EPS8L3: variants seen among roughly 807,000 people sequenced by gnomAD.
EPS8L3 encodes epidermal growth factor receptor kinase substrate 8-like protein 3.
A neutral mutation model predicts 88.5 loss-of-function variants in EPS8L3; 80 were observed. That is an observed-to-expected ratio of 0.90 (90% CI 0.75 to 1.09). The LOEUF (loss-of-function observed/expected upper bound fraction) is 1.09. EPS8L3 is among the 50% of genes least tolerant of loss of function. The pLI, the probability that EPS8L3 is intolerant of heterozygous loss-of-function variation, is 0.00. For missense variants in EPS8L3, 721 were observed against 735.2 expected (o/e 0.98, Z 0.22); for synonymous variants, 286 against 291.0 (o/e 0.98, Z 0.18).
In EPS8L3 at chr1:109,761,700, G is replaced by A. The variant is rs753727661; in HGVS notation, c.31+19C>T. ...GGCTCAGTGGGAGGGCACGGGAGAGGGGCCTGCCAGGAGCTTACAGTAAAT... is the reference window on the plus strand; with the variant it reads ...GGCTCAGTGGGAGGGCACGGGAGAGAGGCCTGCCAGGAGCTTACAGTAAAT... On this transcript the variant is annotated intron_variant, in intron 2 of 18. Coordinates refer to ENST00000361965, the MANE Select transcript of EPS8L3 (RefSeq NM_133181.4). 4 of 1,613,872 alleles carry A rather than the reference G, an allele frequency of 2.5e-6. No homozygotes were observed. Among genetic ancestry groups the A allele is most frequent in the Non-Finnish European group, 3.4e-6 (4 of 1,179,918 alleles).
rs778714173 is a variant in EPS8L3, at chr1:109,759,706, C to T, written c.227G>A (p.Trp76Ter). The change falls in exon 4 of 19, where the codon TGG (tryptophan) becomes TAG (stop). Residue 76 changes from tryptophan (W) to a stop codon, truncating the protein, a stop_gained. Transcript: ENST00000361965. LOFTEE classifies it high-confidence loss of function. The surrounding 1 kb of genome is among the most constrained non-coding windows in gnomAD (Gnocchi z 4.2). The stretch of plus-strand genomic sequence containing the variant: ...GGTCTCAATGTCCAGCAGCTGCAGC[C>T]AGCCGTCCCTGACCTGCAGGATCAA... The part of the protein sequence containing the change: ...QDLILQVRDG[W>*]LQLLDIETKE... 1.2e-6 allele frequency: 2 copies of T among 1,613,990 alleles called. No individual in the cohort carries two copies. Among genetic ancestry groups the T allele is most frequent in the Admixed American group, 3.3e-5 (2 of 60,022 alleles).
Position 109,757,737 on chromosome 1 carries a change from G to A in EPS8L3, c.894+65C>T, listed in dbSNP as rs1292375243. The A allele has an allele frequency of 2.6e-6, 4 of 1,537,586 alleles. No individual in the cohort carries two copies. The African/African-American group carries it at 4.1e-5, about 16-fold the overall frequency. On this transcript the variant is annotated intron_variant, in intron 10 of 18. Coordinates refer to ENST00000361965, the MANE Select transcript of EPS8L3 (RefSeq NM_133181.4). ...GGCTTGGGATGGTTGAGTCCAGACA[G>A]CAGAGGATTACTGGGGAGGAAGGGG...
At chr1:109,757,425 A>C (rs1650393110) in intron 11 of EPS8L3, 56 bp downstream of exon 11, 2 of 1,522,552 alleles carry the variant, frequency 1.3e-6, no homozygotes, top group Admixed American at 1.7e-5. Flanking sequence ...TCCTCTCTCT[A>C]CTCCTTCTTG....
chr1:109,750,658 A>AC lies in EPS8L3; in HGVS notation c.1770+1dup. 1.2e-6 allele frequency: 2 copies of AC among 1,613,738 alleles called. No individual in the cohort carries two copies. The highest frequency in any genetic ancestry group is 2.2e-5 in the South Asian group (2 of 91,054). On this transcript the variant is annotated splice_donor_variant, in intron 18 of 18. Coordinates refer to ENST00000361965, the MANE Select transcript of EPS8L3 (RefSeq NM_133181.4). LOFTEE classifies it high-confidence loss of function. ...GTTGTCAGGACCCCAGGGTGTCCTC[A>AC]CCCCCAGCATCCTTCTGACAGCCTC... is the stretch of plus-strand genomic sequence containing the variant.
At chr1:109,758,490 C>A in intron 7 of EPS8L3, 34 bp downstream of exon 7, 1 of 1,562,446 alleles carries the variant, frequency 6.4e-7, no homozygotes, top group Non-Finnish European at 8.7e-7. Flanking sequence ...CATCGAAACC[C>A]TCTCCTTCAC....
At chr1:109,758,121 C>T (rs1650481855) in intron 8 of EPS8L3, 63 bp from the exon 9 acceptor site, 1 of 1,460,788 alleles carries the variant, frequency 6.8e-7, no homozygotes, top group Non-Finnish European at 9.5e-7. Context: ...ACTCCCCACA[C>T]TGCCCCCCGC....
In EPS8L3 at chr1:109,752,849, C is replaced by A. The variant is rs1649936421; in HGVS notation, c.1201-129G>T. 10 of 877,570 alleles carry A rather than the reference C, an allele frequency of 1.1e-5. No homozygotes were observed. The South Asian group carries it at 1.5e-4, about 13-fold the overall frequency. 54.4% of individuals were successfully genotyped at this position (877,570 alleles called of 1,614,324 possible). A position where few individuals can be genotyped will look rare whatever the true frequency, so the allele number is the denominator to read the frequency against. On this transcript the variant is annotated intron_variant, in intron 13 of 18. Coordinates refer to ENST00000361965, the MANE Select transcript of EPS8L3 (RefSeq NM_133181.4). The stretch of plus-strand genomic sequence containing the variant: ...GCCTCCTATCCCCTTTCCTGCCTCC[C>A]CCAGTTTACAGATACAGGTACCCAC...
intron 3 of EPS8L3, 92 bp downstream of exon 3, chr1:109,761,400 ACTT>A: frequency 9.2e-7 from 1 of 1,088,206 alleles, no homozygotes; most frequent in South Asian, 1.5e-5. Context: ...TGGGGCAGGG[ACTT>A]GTGTGAAGTG....
rs753432237 is a variant in EPS8L3, at chr1:109,761,578, A to G, written c.32-19T>C. The G allele has an allele frequency of 1.2e-6, 2 of 1,613,088 alleles. No individual in the cohort carries two copies. Among genetic ancestry groups the G allele is most frequent in the South Asian group, 1.1e-5 (1 of 91,044 alleles). ...CGGTGCACTACAAGGGCACAGAGCA[A>G]GGGGCGGGAGGTGGGCAGAAGAACG... is the stretch of plus-strand genomic sequence containing the variant. On this transcript the variant is annotated intron_variant, in intron 2 of 18. Transcript: ENST00000361965.
chr1:109,758,745 A>G lies in EPS8L3; in HGVS notation c.462-82T>C. The G allele has an allele frequency of 2.0e-6, 3 of 1,482,822 alleles. No homozygotes were observed. The East Asian group carries it at 6.9e-5, about 34-fold the overall frequency. 91.9% of individuals were successfully genotyped at this position (1,482,822 alleles called of 1,614,324 possible). On this transcript the variant is annotated intron_variant, in intron 6 of 18. Transcript: ENST00000361965. The stretch of plus-strand genomic sequence containing the variant: ...TCCCCACAATTCTGCTCCAGGACCC[A>G]GGGGCACCACCACCTCTCTCCAGGA...
At chr1:109,761,377 G>A in intron 3 of EPS8L3, 118 bp downstream of exon 3, 1 of 843,176 alleles carries the variant, frequency 1.2e-6, no homozygotes, top group Non-Finnish European at 1.9e-6. Context: ...GGTTGGGACA[G>A]GCTGTTGGCT....
In EPS8L3 at chr1:109,752,194, C is replaced by T. The variant is rs1649864253; in HGVS notation, c.1236-1G>A. ...GCTCCCTAACCTATGACTTCCCCGC[C>T]TAAGAAACAGAGTCAGGATGGCTGG... On this transcript the variant is annotated splice_acceptor_variant, in intron 14 of 18. Coordinates refer to ENST00000361965, the MANE Select transcript of EPS8L3 (RefSeq NM_133181.4). LOFTEE classifies it high-confidence loss of function. The T allele has an allele frequency of 6.2e-7, 1 of 1,609,740 alleles. No homozygotes were observed. The highest frequency in any genetic ancestry group is 8.5e-7 in the Non-Finnish European group (1 of 1,177,226).
rs143763282 is a variant in EPS8L3 at position 109,757,488 on chromosome 1, A to G, written c.962T>C (p.Leu321Pro). 3.1e-5 allele frequency: 50 copies of G among 1,613,852 alleles called. No homozygotes were observed. Among genetic ancestry groups the G allele is most frequent in the Non-Finnish European group, 4.0e-5 (47 of 1,179,922 alleles). The stretch of plus-strand genomic sequence containing the variant: ...TGTCGTCCCTTGACTCACGAAGTTC[A>G]GGGACTTGAAGAGGATGTGTACGAG... ...PELVHILFKS[L>P]NFILARCPEA... The change falls in exon 11 of 19, where the codon CTG becomes CCG. Residue 321 changes from leucine (L) to proline (P), a missense_variant. Coordinates refer to ENST00000361965, the MANE Select transcript of EPS8L3 (RefSeq NM_133181.4).
intron 11 of EPS8L3, 132 bp downstream of exon 11, chr1:109,757,349 C>T (rs1650385731): frequency 1.7e-6 from 2 of 1,158,398 alleles, no homozygotes; most frequent in East Asian, 5.0e-5. Flanking sequence ...GCGTCCTTGG[C>T]TCTGACCCCA....
Position 109,761,481 on chromosome 1 carries a change from G to A in EPS8L3, c.96+14C>T, listed in dbSNP as rs1445507088. On this transcript the variant is annotated intron_variant, in intron 3 of 18. Coordinates refer to ENST00000361965, the MANE Select transcript of EPS8L3 (RefSeq NM_133181.4). ...TTTAGTTGGACACTGCCCGGGGGCTGCAGAGGTACTCACCTCCACCCTGTG... is the reference window on the plus strand; with the variant it reads ...TTTAGTTGGACACTGCCCGGGGGCTACAGAGGTACTCACCTCCACCCTGTG... The A allele has an allele frequency of 6.2e-7, 1 of 1,606,184 alleles. No homozygotes were observed. Among genetic ancestry groups the A allele is most frequent in the East Asian group, 2.2e-5 (1 of 44,624 alleles).
At chr1:109,760,873 C>T (rs148237899) in intron 3 of EPS8L3, among the ~76,000 whole-genome samples, 30 of 152,258 alleles carry the variant, frequency 2.0e-4, no homozygotes, top group Non-Finnish European at 4.1e-4. Flanking sequence ...CCCTTGTAGC[C>T]TGTGCTTCGC....
chr1:109,753,768 G>T (rs1429790771), intron 12 of EPS8L3, among the ~76,000 whole-genome samples: 1 of 152,144 alleles, frequency 6.6e-6, no homozygotes, highest in Non-Finnish European at 1.5e-5. Flanking sequence ...CTTCAGGCTT[G>T]CCCTGCTTGG....
At chr1:109,760,542 G>T (rs1264437287) in intron 3 of EPS8L3, among the ~76,000 whole-genome samples, 1 of 149,820 alleles carries the variant, frequency 6.7e-6, no homozygotes, top group Non-Finnish European at 1.5e-5. Flanking sequence ...CCCTGTGTTC[G>T]CACTGCCAGC....
chr1:109,755,025 A>G (rs944804993), intron 12 of EPS8L3, among the ~76,000 whole-genome samples: 24 of 152,232 alleles, frequency 1.6e-4, no homozygotes, highest in African/African-American at 5.5e-4. Flanking sequence ...CATAAATAAA[A>G]TGTGTCATAC....
Sources: allele counts gnomAD v4.1 joint callset (sites outside exome capture counted in the v4.1 genomes callset), GRCh38; gene constraint gnomAD v4.1.1; non-coding constraint Gnocchi (gnomAD v3.1); transcripts MANE v1.5; gene names NCBI Gene and HGNC (gene_info 2026-07-23, HGNC 2026-07-21).